GALNT2: variants seen among roughly 807,000 people sequenced by gnomAD.
GALNT2 encodes the protein polypeptide N-acetylgalactosaminyltransferase 2, also known as UDP-GalNAc:polypeptide N-acetylgalactosaminyltransferase 2.
In GALNT2, 31 loss-of-function variants were observed where a neutral mutation model predicts 81.4. The observed-to-expected ratio is 0.38, with a 90% CI of 0.29 to 0.51. The LOEUF (loss-of-function observed/expected upper bound fraction) is 0.51, where lower values mean the gene tolerates loss of function less well. GALNT2 is among the 20% of genes least tolerant of loss of function. GALNT2 has a pLI of 0.87. For missense variants in GALNT2, 629 were observed against 765.7 expected (o/e 0.82, Z 2.11); for synonymous variants, 303 against 287.4 (o/e 1.05, Z -0.55).
At chr1:230,135,333 G>C (rs1245088461) in intron 1 of GALNT2, among the ~76,000 whole-genome samples, 1 of 152,188 alleles carries the variant, frequency 6.6e-6, no homozygotes, top group African/African-American at 2.4e-5. Flanking sequence ...GCCGATTCCT[G>C]TGGCTCTATT....
At chr1:230,222,849 T>C (rs1264242888) in intron 3 of GALNT2, among the ~76,000 whole-genome samples, 2 of 150,994 alleles carry the variant, frequency 1.3e-5, no homozygotes, top group Non-Finnish European at 2.9e-5. Context: ...GATTTGATAG[T>C]TAGAGAAACA....
intron 1 of GALNT2, among the ~76,000 whole-genome samples, chr1:230,123,295 A>T (rs1571988016): frequency 6.6e-6 from 1 of 152,140 alleles, no homozygotes; most frequent in Non-Finnish European, 1.5e-5. Flanking sequence ...TTTCCAAAAA[A>T]CAAATGTGCT....
rs1473143485 is a variant in GALNT2, at chr1:230,203,271, C to T, written c.355C>T (p.Pro119Ser). The T allele has an allele frequency of 1.2e-6, 2 of 1,614,052 alleles. No individual in the cohort carries two copies. The highest frequency in any genetic ancestry group is 4.5e-5 in the East Asian group (2 of 44,876). The change falls in exon 3 of 16, where the codon CCT becomes TCT. Residue 119 changes from proline to serine, a missense_variant. Around this residue, in one of 3 missense-constraint regions of GALNT2, gnomAD observed 360 missense variants for 492.8 expected, o/e 0.73. Coordinates refer to ENST00000366672, the MANE Select transcript of GALNT2 (RefSeq NM_004481.5). ...TAAGCTTCGAATGGACAGAGCCATC[C>T]CTGACACCCGGCATGACCAGTAAGT... is the stretch of plus-strand genomic sequence containing the variant. Reference protein sequence around the residue: ...SDKLRMDRAIPDTRHDQCQRK... With the variant: ...SDKLRMDRAISDTRHDQCQRK...
intron 2 of GALNT2, 63 bp from the exon 3 acceptor site, chr1:230,203,074 T>C (rs1430989593): frequency 2.4e-5 from 37 of 1,538,458 alleles, no homozygotes; most frequent in Non-Finnish European, 3.3e-5. Flanking sequence ...CTTACTGCAG[T>C]CTCTGTGATG....
chr1:230,066,944 C>G (rs1322943110), upstream of GALNT2, among the ~76,000 whole-genome samples: 1 of 150,394 alleles, frequency 6.6e-6, no homozygotes, highest in Non-Finnish European at 1.5e-5. Context: ...CGGCGGAGCC[C>G]GGCGTGCTGC....
At chr1:230,222,590 C>A (rs1177245347) in intron 3 of GALNT2, among the ~76,000 whole-genome samples, 1 of 150,764 alleles carries the variant, frequency 6.6e-6, no homozygotes, top group Non-Finnish European at 1.5e-5. Context: ...ATTTTTTTTT[C>A]TTTTTATCTT....
chr1:230,262,181 GCT>G (rs1400357596), intron 11 of GALNT2: 1 of 179,262 alleles, frequency 5.6e-6, no homozygotes, highest in African/African-American at 2.4e-5. Flanking sequence ...TCCTTGCTGT[GCT>G]CTGTGGCCCC....
intron 1 of GALNT2, among the ~76,000 whole-genome samples, chr1:230,153,715 A>G (rs750339083): frequency 4.6e-5 from 7 of 152,308 alleles, no homozygotes; most frequent in Non-Finnish European, 7.3e-5. Context: ...TGTCAGACAC[A>G]GTGAGCTCAG....
At chr1:230,261,430 G>C (rs1419266531) in intron 11 of GALNT2, among the ~76,000 whole-genome samples, 1 of 152,182 alleles carries the variant, frequency 6.6e-6, no homozygotes, top group East Asian at 1.9e-4. Flanking sequence ...ATTTATTTTG[G>C]AAGAACACAG....
At chr1:230,174,938 C>T (rs926122570) in intron 1 of GALNT2, among the ~76,000 whole-genome samples, 1 of 152,230 alleles carries the variant, frequency 6.6e-6, no homozygotes, top group Non-Finnish European at 1.5e-5. Context: ...CCGTGTACAG[C>T]CTTCCTGGGG....
At chr1:230,207,810 G>A (rs1232539840) in intron 3 of GALNT2, among the ~76,000 whole-genome samples, 1 of 152,116 alleles carries the variant, frequency 6.6e-6, no homozygotes, top group Non-Finnish European at 1.5e-5. Flanking sequence ...CAAACTCCTG[G>A]CCTCAAGCAA....
intron 3 of GALNT2, among the ~76,000 whole-genome samples, chr1:230,231,480 T>G (rs1195795684): frequency 6.6e-6 from 1 of 152,184 alleles, no homozygotes; most frequent in Non-Finnish European, 1.5e-5. Context: ...AACAGCCTTC[T>G]GTGTTATTGG....
At chr1:230,142,529 A>G (rs1243706551) in intron 1 of GALNT2, among the ~76,000 whole-genome samples, 6 of 152,270 alleles carry the variant, frequency 3.9e-5, no homozygotes, top group African/African-American at 1.4e-4. Flanking sequence ...ATGGGGAAAA[A>G]AGTAGTACCT....
chr1:230,166,874 G>C (rs981013874), intron 1 of GALNT2, among the ~76,000 whole-genome samples: 1 of 152,138 alleles, frequency 6.6e-6, no homozygotes, highest in Admixed American at 6.5e-5. Context: ...GAGTAAAAGA[G>C]AGAACATGCT....
intron 1 of GALNT2, among the ~76,000 whole-genome samples, chr1:230,133,351 G>A (rs970460705): frequency 1.3e-5 from 2 of 152,144 alleles, no homozygotes; most frequent in African/African-American, 4.8e-5. Context: ...CAGACCAGAA[G>A]ACTCTTTTGT....
At position 230,243,834 on chromosome 1, in the gene GALNT2, C is replaced by T. The variant is rs1319551700; in HGVS notation, c.729+407C>T. Among the ~76,000 whole-genome samples, 1 of 152,156 alleles carries T rather than the reference C, an allele frequency of 6.6e-6. No individual in the cohort carries two copies. ...CGCAGAGCGGGGCGTGCTGGGGAAG[C>T]TGTCCCTGGGGCCACCTCTCTGCTC... On this transcript the variant is annotated intron_variant, in intron 7 of 15. Transcript: ENST00000366672. The surrounding 1 kb of genome is among the most constrained non-coding windows in gnomAD (Gnocchi z 4.2).
At chr1:230,185,342 G>A (rs2102691641) in intron 2 of GALNT2, among the ~76,000 whole-genome samples, 1 of 151,692 alleles carries the variant, frequency 6.6e-6, no homozygotes, top group East Asian at 1.9e-4. Flanking sequence ...AGTGTGCCTT[G>A]TAATTTTATG....
intron 14 of GALNT2, among the ~76,000 whole-genome samples, chr1:230,270,780 A>G (rs1012904983): frequency 1.3e-5 from 2 of 152,246 alleles, no homozygotes; most frequent in African/African-American, 4.8e-5. Context: ...ACAGGAAATG[A>G]GAAAATTAAT....
At chr1:230,172,301 G>A (rs1386017822) in intron 1 of GALNT2, among the ~76,000 whole-genome samples, 5 of 152,148 alleles carry the variant, frequency 3.3e-5, no homozygotes, top group African/African-American at 1.2e-4. Flanking sequence ...GCCCCAGTGA[G>A]GAACTGGGGC....
Sources: allele counts gnomAD v4.1 joint callset (sites outside exome capture counted in the v4.1 genomes callset), GRCh38; gene constraint gnomAD v4.1.1; regional missense constraint gnomAD v4.1.1; non-coding constraint Gnocchi (gnomAD v3.1); transcripts MANE v1.5; gene names NCBI Gene and HGNC (gene_info 2026-07-23, HGNC 2026-07-21).